STK4: variants seen among roughly 807,000 people sequenced by gnomAD.
STK4 encodes the protein serine/threonine-protein kinase 4.
A neutral mutation model predicts 64.9 loss-of-function variants in STK4; 30 were observed. The ratio of observed to expected loss-of-function variants is 0.46; its 90% CI spans 0.35 to 0.63. STK4 has a LOEUF of 0.63. Ranked by LOEUF, STK4 falls within the 20% of genes least tolerant of loss-of-function variation. The probability of loss-of-function intolerance (pLI) is 0.01; values close to 1 mark genes in which losing one functional copy is unlikely to be tolerated. For missense variants in STK4, 466 were observed against 598.5 expected, an observed-to-expected ratio of 0.78 and a Z score of 2.31; for synonymous variants, 177 against 199.0, an observed-to-expected ratio of 0.89 and a Z score of 0.93.
chr20:44,988,533 G>GTATATATATATATA lies in STK4; in HGVS notation c.525+1259_525+1272dup, dbSNP rs71197589. Among the ~76,000 whole-genome samples, 256 of 101,514 alleles carry GTATATATATATATA rather than the reference G, an allele frequency of 2.5e-3. 1 individual carries two copies. The highest frequency in any genetic ancestry group is 3.2e-3 in the African/African-American group (67 of 21,014). The allele number at this position is 101,514 out of a possible 152,430, so 66.6% of individuals were successfully genotyped here. A position where few individuals can be genotyped will look rare whatever the true frequency, so the allele number is the denominator to read the frequency against. On this transcript the variant is annotated intron_variant, in intron 5 of 10. Transcript: ENST00000372806. The stretch of plus-strand genomic sequence containing the variant: ...TGTGTGTGTATATATATGTGTGTGT[G>GTATATATATATATA]TATATATATATATATATATATATAT...
chr20:44,982,062 A>T, intron 4 of STK4, 119 bp downstream of exon 4: 7 of 513,088 alleles, frequency 1.4e-5, no homozygotes, highest in South Asian at 5.0e-5. Context: ...CCCCTTTTCC[A>T]TGGTTATTTT....
chr20:44,990,086 G>A (rs541511298), intron 5 of STK4, among the ~76,000 whole-genome samples: 7 of 152,142 alleles, frequency 4.6e-5, no homozygotes, highest in African/African-American at 9.7e-5. Flanking sequence ...AGAAAAGGCC[G>A]TTGGGATTTT....
At chr20:45,017,968 G>A (rs2068174387) in intron 9 of STK4, among the ~76,000 whole-genome samples, 1 of 152,166 alleles carries the variant, frequency 6.6e-6, no homozygotes, top group East Asian at 1.9e-4. Flanking sequence ...GCAATTCTTA[G>A]TGGTTTCAAA....
intron 9 of STK4, among the ~76,000 whole-genome samples, chr20:45,012,797 T>TCC (rs2068074514): frequency 1.1e-5 from 1 of 94,766 alleles, no homozygotes; most frequent in Admixed American, 9.1e-5. Flanking sequence ...CTTCTTCTTC[T>TCC]TCTTTTTTTT....
At chr20:45,026,045 T>G (rs570080184) in intron 10 of STK4, among the ~76,000 whole-genome samples, 1 of 151,946 alleles carries the variant, frequency 6.6e-6, no homozygotes, top group Non-Finnish European at 1.5e-5. Flanking sequence ...TGAGGTAAAT[T>G]AACTGATTAG....
chr20:45,053,157 A>T, intron 10 of STK4: 1 of 1,612,648 alleles, frequency 6.2e-7, no homozygotes, highest in South Asian at 1.1e-5. Context: ...TGCTGTGTAG[A>T]TACGCTTTCT....
At chr20:44,994,255 T>C (rs1313101382) in intron 5 of STK4, among the ~76,000 whole-genome samples, 1 of 151,422 alleles carries the variant, frequency 6.6e-6, no homozygotes, top group Admixed American at 6.6e-5. Context: ...CTTTAGTGAT[T>C]CTGCCTACTA....
At chr20:44,982,671 G>C (rs1339968783) in intron 4 of STK4, among the ~76,000 whole-genome samples, 1 of 152,132 alleles carries the variant, frequency 6.6e-6, no homozygotes, top group East Asian at 1.9e-4. Flanking sequence ...TACTGTGGTT[G>C]CAGTATAAGA....
intron 10 of STK4, among the ~76,000 whole-genome samples, chr20:45,073,903 C>G (rs148103098): frequency 6.6e-6 from 1 of 152,222 alleles, no homozygotes; most frequent in Non-Finnish European, 1.5e-5. Context: ...TTAATTCTTA[C>G]AATACATGTG....
intron 9 of STK4, among the ~76,000 whole-genome samples, chr20:45,012,948 A>ATT (rs60788017): frequency 2.0e-5 from 1 of 51,166 alleles, no homozygotes; most frequent in Non-Finnish European, 3.4e-5. Flanking sequence ...CACACCTGTG[A>ATT]TTTTTTTTTT....
At chr20:45,037,502 G>A (rs992227672) in intron 10 of STK4, among the ~76,000 whole-genome samples, 49 of 152,068 alleles carry the variant, frequency 3.2e-4, no homozygotes, top group Non-Finnish European at 8.8e-5. Context: ...GGTCCATCAG[G>A]ATATAAAACC....
intron 9 of STK4, among the ~76,000 whole-genome samples, chr20:45,008,270 G>C (rs1191594104): frequency 6.6e-6 from 1 of 152,138 alleles, no homozygotes; most frequent in Non-Finnish European, 1.5e-5. Context: ...GTCCAGGCTG[G>C]TCTCGAACTC....
At chr20:45,037,284 A>G (rs1259770411) in intron 10 of STK4, among the ~76,000 whole-genome samples, 1 of 152,156 alleles carries the variant, frequency 6.6e-6, no homozygotes, top group African/African-American at 2.4e-5. Context: ...ATTGAGCTGG[A>G]GCATTACCAG....
At chr20:45,022,862 G>C (rs1037033235) in intron 9 of STK4, among the ~76,000 whole-genome samples, 1 of 152,122 alleles carries the variant, frequency 6.6e-6, no homozygotes, top group Non-Finnish European at 1.5e-5. Context: ...TCATTTATCT[G>C]TGCATATATA....
intron 9 of STK4, 128 bp downstream of exon 9, chr20:45,001,481 A>C: frequency 8.3e-7 from 1 of 1,206,986 alleles, no homozygotes; most frequent in Non-Finnish European, 1.1e-6. Flanking sequence ...GGAGTAGAAA[A>C]CTTGGAAGTT....
chr20:45,012,696 G>A (rs2145349918), intron 9 of STK4, among the ~76,000 whole-genome samples: 1 of 151,844 alleles, frequency 6.6e-6, no homozygotes, highest in South Asian at 2.1e-4. Context: ...AGGTTTTATG[G>A]AGATTGCCTT....
At chr20:45,068,291 T>C (rs2145479206) in intron 10 of STK4, among the ~76,000 whole-genome samples, 1 of 152,232 alleles carries the variant, frequency 6.6e-6, no homozygotes, top group African/African-American at 2.4e-5. Flanking sequence ...GTATTGCCCT[T>C]TATATTCATG....
chr20:45,027,245 A>G (rs2068366050), intron 10 of STK4, among the ~76,000 whole-genome samples: 1 of 152,104 alleles, frequency 6.6e-6, no homozygotes, highest in Non-Finnish European at 1.5e-5. Context: ...CCTGACCAAC[A>G]CAGAGAAACC....
intron 5 of STK4, among the ~76,000 whole-genome samples, chr20:44,994,660 T>C (rs2067694823): frequency 6.6e-6 from 1 of 152,124 alleles, no homozygotes; most frequent in Non-Finnish European, 1.5e-5. Flanking sequence ...ATAAGATAGA[T>C]TTCAAGAAAT....
Sources: gnomAD v4.1 joint callset for allele counts (sites outside exome capture counted in the v4.1 genomes callset) on GRCh38, gnomAD v4.1.1 for gene constraint, MANE v1.5 for transcripts, NCBI Gene and HGNC (gene_info 2026-07-23, HGNC 2026-07-21) for gene names.